Variants in PCDHGB3 observed in about 807,000 individuals in gnomAD.
PCDHGB3 encodes protocadherin gamma-B3.
PCDHGB3 carries 40 observed loss-of-function variants against 59.2 expected under a neutral mutation model. The ratio of observed to expected loss-of-function variants is 0.68; its 90% CI spans 0.52 to 0.88. The LOEUF is 0.88. Among genes scored for constraint, PCDHGB3 ranks in the 40% least tolerant of loss-of-function variants. The pLI, the probability that PCDHGB3 is intolerant of heterozygous loss-of-function variation, is 0.00. For missense variants in PCDHGB3, 1,309 were observed against 1,187.9 expected (o/e 1.10, Z -1.50); for synonymous variants, 581 against 503.6 (o/e 1.15, Z -2.06).
At chr5:141,484,878 G>C (rs2099602522) in intron 1 of PCDHGB3, 1 of 341,888 alleles carries the variant, frequency 2.9e-6, no homozygotes, top group Non-Finnish European at 5.3e-6. Flanking sequence ...TGGAGGATAG[G>C]GTGGGCTTTT....
chr5:141,506,180 G>T (rs548366782), intron 3 of PCDHGB3, among the ~76,000 whole-genome samples: 44 of 152,294 alleles, frequency 2.9e-4, no homozygotes, highest in Non-Finnish European at 5.7e-4. Context: ...GCTGGGCGTG[G>T]TGGCTCACGC....
chr5:141,375,639 C>T (rs1364618927), intron 1 of PCDHGB3: 2 of 1,614,126 alleles, frequency 1.2e-6, no homozygotes, highest in Non-Finnish European at 1.7e-6. Flanking sequence ...GCCCTGCGCT[C>T]CTTCGACTAT....
intron 1 of PCDHGB3, among the ~76,000 whole-genome samples, chr5:141,461,604 T>G (rs1166575574): frequency 6.6e-6 from 1 of 152,228 alleles, no homozygotes; most frequent in Non-Finnish European, 1.5e-5. Context: ...TATAATTTAG[T>G]TCAAAGTATT....
chr5:141,503,781 G>A (rs1393561411), intron 2 of PCDHGB3, among the ~76,000 whole-genome samples: 1 of 152,110 alleles, frequency 6.6e-6, no homozygotes, highest in East Asian at 1.9e-4. Flanking sequence ...TTCTTAGGCT[G>A]AGTTCATCTA....
chr5:141,418,093 C>A, intron 1 of PCDHGB3: 2 of 1,614,032 alleles, frequency 1.2e-6, no homozygotes, highest in Non-Finnish European at 1.7e-6. Context: ...TCAGCGTAGA[C>A]GCGCAGAGCG....
chr5:141,432,997 G>A lies in PCDHGB3; in HGVS notation c.2415+60188G>A, dbSNP rs778828769. ...CGCACTTTGTGGGCGTGGACGGGGT[G>A]CAGGCTTTCCTGCAGACCTATTCCC... is the stretch of plus-strand genomic sequence containing the variant. On this transcript the variant is annotated intron_variant, in intron 1 of 3. Coordinates refer to ENST00000576222, the MANE Select transcript of PCDHGB3 (RefSeq NM_018924.5). This position sits in a 1 kb window ranked among gnomAD's most constrained non-coding sequence, Gnocchi z 6.0. 5 of 1,614,082 alleles carry A rather than the reference G, an allele frequency of 3.1e-6. No homozygotes were observed. In the Admixed American group the frequency reaches 8.3e-5, roughly 27 times the overall value.
rs747156698 is a variant in PCDHGB3 at position 141,385,112 on chromosome 5, C to T, written c.2415+12303C>T. ...GGTGGCTTGGCGAACGTGCCCACCT[C>T]GCACTTTGTGGGCATGGACGGGGTG... On this transcript the variant is annotated intron_variant, in intron 1 of 3. Coordinates refer to ENST00000576222, the MANE Select transcript of PCDHGB3 (RefSeq NM_018924.5). 6 of 1,614,200 alleles carry T rather than the reference C, an allele frequency of 3.7e-6. No homozygotes were observed. The highest frequency in any genetic ancestry group is 2.7e-5 in the African/African-American group (2 of 75,070).
intron 1 of PCDHGB3, among the ~76,000 whole-genome samples, chr5:141,401,860 A>G (rs2094201565): frequency 6.6e-6 from 1 of 152,182 alleles, no homozygotes. Flanking sequence ...TTAACCTTTC[A>G]GTAGTTTTCT....
At chr5:141,413,454 G>A (rs765318722) in intron 1 of PCDHGB3, 46 of 1,614,026 alleles carry the variant, frequency 2.9e-5, no homozygotes, top group Non-Finnish European at 3.7e-5. Flanking sequence ...CCGCGGGCAG[G>A]ATAGACCGGG....
chr5:141,413,352 G>C lies in PCDHGB3; in HGVS notation c.2415+40543G>C, dbSNP rs896091511. ...ACATCTCCAAGGACTTGGGTCTGGC[G>C]CCCCGGGAGCTGGCGGAGCGCGGAG... On this transcript the variant is annotated intron_variant, in intron 1 of 3. Coordinates refer to ENST00000576222, the MANE Select transcript of PCDHGB3 (RefSeq NM_018924.5). 1.9e-6 allele frequency: 3 copies of C among 1,613,858 alleles called. No homozygotes were observed. In the African/African-American group the frequency reaches 4.0e-5, roughly 22 times the overall value.
rs753872678 is a variant in PCDHGB3, at chr5:141,431,407, C to G, written c.2415+58598C>G. 4 of 1,613,716 alleles carry G rather than the reference C, an allele frequency of 2.5e-6. No individual in the cohort carries two copies. Among genetic ancestry groups the G allele is most frequent in the Non-Finnish European group, 3.4e-6 (4 of 1,180,048 alleles). The stretch of plus-strand genomic sequence containing the variant: ...ACCACCTGGTCCTTACGGCCTCCGA[C>G]GGGGGCGACCCGGTGCGCACAGGCA... On this transcript the variant is annotated intron_variant, in intron 1 of 3. Coordinates refer to ENST00000576222, the MANE Select transcript of PCDHGB3 (RefSeq NM_018924.5). This position sits in a 1 kb window ranked among gnomAD's most constrained non-coding sequence, Gnocchi z 4.8.
intron 2 of PCDHGB3, among the ~76,000 whole-genome samples, chr5:141,496,334 G>T (rs959266723): frequency 2.6e-5 from 4 of 152,240 alleles, no homozygotes; most frequent in Admixed American, 6.5e-5. Context: ...GAAGTCAGGA[G>T]CCTGGAGGAG....
intron 1 of PCDHGB3, among the ~76,000 whole-genome samples, chr5:141,488,417 C>T (rs2099675171): frequency 6.6e-6 from 1 of 152,224 alleles, no homozygotes; most frequent in Non-Finnish European, 1.5e-5. Context: ...GCCAAGCCAT[C>T]CATGCTTGGC....
intron 1 of PCDHGB3, chr5:141,404,186 C>T (rs767632448): frequency 3.1e-6 from 5 of 1,613,084 alleles, no homozygotes; most frequent in Non-Finnish European, 4.2e-6. Flanking sequence ...AATTCTTGAC[C>T]GAGAAAAAGC....
At position 141,431,421 on chromosome 5, in the gene PCDHGB3, T is replaced by A. The variant is rs2097372202; in HGVS notation, c.2415+58612T>A. On this transcript the variant is annotated intron_variant, in intron 1 of 3. Transcript: ENST00000576222. The surrounding 1 kb of genome is among the most constrained non-coding windows in gnomAD (Gnocchi z 4.8). The stretch of plus-strand genomic sequence containing the variant: ...ACGGCCTCCGACGGGGGCGACCCGG[T>A]GCGCACAGGCACCGCGCGCATCCGC... 1 of 1,613,580 alleles carries A rather than the reference T, an allele frequency of 6.2e-7. No individual in the cohort carries two copies. The highest frequency in any genetic ancestry group is 1.1e-5 in the South Asian group (1 of 91,082).
chr5:141,476,267 G>T lies in PCDHGB3; in HGVS notation c.2416-18540G>T, dbSNP rs373758158. 15 of 1,614,056 alleles carry T rather than the reference G, an allele frequency of 9.3e-6. No homozygotes were observed. In the South Asian group the frequency reaches 1.6e-4, roughly 18 times the overall value. On this transcript the variant is annotated intron_variant, in intron 1 of 3. Transcript: ENST00000576222. This position sits in a 1 kb window ranked among gnomAD's most constrained non-coding sequence, Gnocchi z 7.6. ...GAAGGGTTTCGCTGTGGGCAACGTGGTCGCGAACCTTGGTTTGGATCTCGG... is the reference window on the plus strand; with the variant it reads ...GAAGGGTTTCGCTGTGGGCAACGTGTTCGCGAACCTTGGTTTGGATCTCGG...
At chr5:141,488,855 C>T (rs1441666819) in intron 1 of PCDHGB3, among the ~76,000 whole-genome samples, 2 of 152,190 alleles carry the variant, frequency 1.3e-5, no homozygotes, top group Non-Finnish European at 1.5e-5. Context: ...ACCTGCAGCA[C>T]GAAGTGAGTG....
intron 1 of PCDHGB3, among the ~76,000 whole-genome samples, chr5:141,405,721 A>G (rs1295046106): frequency 1.3e-5 from 2 of 151,702 alleles, no homozygotes; most frequent in African/African-American, 4.8e-5. Context: ...CAAGTGATCC[A>G]CCCACCTCAG....
intron 1 of PCDHGB3, chr5:141,427,747 C>A (rs2097063869): frequency 1.6e-6 from 2 of 1,277,502 alleles, no homozygotes; most frequent in Non-Finnish European, 2.2e-6. Flanking sequence ...GTCTCCTACT[C>A]CATCGTTACC....
Sources: allele counts gnomAD v4.1 joint callset (sites outside exome capture counted in the v4.1 genomes callset), GRCh38; gene constraint gnomAD v4.1.1; non-coding constraint Gnocchi (gnomAD v3.1); transcripts MANE v1.5; gene names NCBI Gene and HGNC (gene_info 2026-07-23, HGNC 2026-07-21).